Variants in GLDC observed in about 807,000 individuals in gnomAD.
GLDC encodes glycine dehydrogenase (decarboxylating), mitochondrial.
A neutral mutation model predicts 121.3 loss-of-function variants in GLDC; 104 were observed. The ratio of observed to expected loss-of-function variants is 0.86; its 90% CI spans 0.73 to 1.01. The LOEUF (loss-of-function observed/expected upper bound fraction) is 1.01, where lower values mean the gene tolerates loss of function less well. Among genes scored for constraint, GLDC ranks in the 50% least tolerant of loss-of-function variants. GLDC has a pLI of 0.00. For missense variants in GLDC, 1,429 were observed against 1,306.6 expected, an observed-to-expected ratio of 1.09 and a Z score of -1.44; for synonymous variants, 546 against 480.6, an observed-to-expected ratio of 1.14 and a Z score of -1.78.
At chr9:6,622,897 C>G (rs1215409523) in intron 2 of GLDC, 4 of 202,828 alleles carry the variant, frequency 2.0e-5, no homozygotes, top group South Asian at 6.3e-5. Flanking sequence ...CCCCGCCGCC[C>G]GGTCTGGGAT....
chr9:6,614,018 C>G (rs1427123287), intron 3 of GLDC, among the ~76,000 whole-genome samples: 1 of 152,038 alleles, frequency 6.6e-6, no homozygotes, highest in Non-Finnish European at 1.5e-5. Flanking sequence ...CTCAGGTGAT[C>G]TGCCCACCCT....
intron 2 of GLDC, chr9:6,639,576 G>A (rs1403105224): frequency 3.1e-5 from 23 of 751,502 alleles, no homozygotes; most frequent in African/African-American, 1.7e-5. Flanking sequence ...TGATTATGAT[G>A]CTTTGGATGT....
At chr9:6,600,420 C>T (rs1346472513) in intron 8 of GLDC, among the ~76,000 whole-genome samples, 2 of 151,402 alleles carry the variant, frequency 1.3e-5, no homozygotes, top group Middle Eastern at 3.4e-3. Context: ...CTCACACCTA[C>T]AATCCCAAAA....
chr9:6,610,233 A>T lies in GLDC; in HGVS notation c.594T>A (p.Asp198Glu). 1 of 1,613,696 alleles carries T rather than the reference A, an allele frequency of 6.2e-7. No individual in the cohort carries two copies. Among genetic ancestry groups the T allele is most frequent in the Non-Finnish European group, 8.5e-7 (1 of 1,179,858 alleles). ...GTGCCTCTGCGGCTGCAGTCCCCTCATCCAGCAGGGATGCATTGGCCATGT... is the reference window on the plus strand; with the variant it reads ...GTGCCTCTGCGGCTGCAGTCCCCTCTTCCAGCAGGGATGCATTGGCCATGT... Reference protein sequence around the residue: ...GLDMANASLLDEGTAAAEALQ... With the variant: ...GLDMANASLLEEGTAAAEALQ... The change falls in exon 4 of 25, where the codon GAT becomes GAA. Residue 198 changes from aspartate to glutamate, a missense_variant. Coordinates refer to ENST00000321612, the MANE Select transcript of GLDC (RefSeq NM_000170.3).
At chr9:6,554,883 A>C (rs1020492830) in intron 18 of GLDC, 102 bp from the exon 19 acceptor site, 2 of 828,188 alleles carry the variant, frequency 2.4e-6, no homozygotes, top group East Asian at 5.3e-5. Flanking sequence ...CCTCAGAGGA[A>C]AAGCAGGCAG....
At chr9:6,550,673 C>A in intron 21 of GLDC, 130 bp downstream of exon 21, 1 of 743,174 alleles carries the variant, frequency 1.3e-6, no homozygotes, top group Non-Finnish European at 2.5e-6. Context: ...TTTCCAAGAA[C>A]TCTACACTAT....
chr9:6,606,749 T>C (rs1014302670), intron 4 of GLDC, 80 bp from the exon 5 acceptor site: 1 of 854,352 alleles, frequency 1.2e-6, no homozygotes, highest in Non-Finnish European at 2.1e-6. Context: ...GCAAACATAG[T>C]ACCGAGGGTA....
chr9:6,640,872 A>G (rs559632565), intron 2 of GLDC, among the ~76,000 whole-genome samples: 1 of 152,346 alleles, frequency 6.6e-6, no homozygotes, highest in Admixed American at 6.5e-5. Context: ...CCAAAACTGC[A>G]AAGTAATTAA....
chr9:6,613,871 G>C (rs1400303324), intron 3 of GLDC, among the ~76,000 whole-genome samples: 1 of 152,024 alleles, frequency 6.6e-6, no homozygotes, highest in Non-Finnish European at 1.5e-5. Context: ...CCACCTCTTG[G>C]GTTCAAGCCA....
chr9:6,574,047 T>C (rs1404268246), intron 15 of GLDC, among the ~76,000 whole-genome samples: 1 of 152,214 alleles, frequency 6.6e-6, no homozygotes, highest in Non-Finnish European at 1.5e-5. Flanking sequence ...TACCAATCTG[T>C]ATCAATTTGA....
chr9:6,543,487 A>AC (rs1444194286), intron 21 of GLDC, among the ~76,000 whole-genome samples: 3 of 152,204 alleles, frequency 2.0e-5, no homozygotes, highest in Non-Finnish European at 4.4e-5. Context: ...CCAACACAGC[A>AC]CTGCTAATAC....
chr9:6,543,522 C>T (rs1245883232), intron 21 of GLDC, among the ~76,000 whole-genome samples: 1 of 152,138 alleles, frequency 6.6e-6, no homozygotes, highest in African/African-American at 2.4e-5. Context: ...AAGAGGTCCC[C>T]ACCATAGCCA....
At chr9:6,624,152 G>C (rs1265396448) in intron 2 of GLDC, among the ~76,000 whole-genome samples, 1 of 152,244 alleles carries the variant, frequency 6.6e-6, no homozygotes, top group Non-Finnish European at 1.5e-5. Context: ...GATACAGTAA[G>C]AGGCCAGCAC....
intron 22 of GLDC, 75 bp downstream of exon 22, chr9:6,539,976 G>A (rs1191025741): frequency 1.1e-6 from 1 of 937,102 alleles, no homozygotes; most frequent in Non-Finnish European, 1.8e-6. Context: ...TGTGGTGCCT[G>A]CATTTTCCAT....
At chr9:6,551,025 C>G (rs1231665091) in intron 20 of GLDC, 111 bp from the exon 21 acceptor site, 1 of 775,348 alleles carries the variant, frequency 1.3e-6, no homozygotes, top group Admixed American at 1.7e-5. Flanking sequence ...GAAGGCAGCC[C>G]ACCATGACTC....
rs1162640986 is a variant in GLDC, at chr9:6,606,901, C to T, written c.636-232G>A. Reference sequence around the variant, plus strand: ...CAGCCTGGCCAACGTGATAAAACCTCGTCTCTACTAAAAATACAAAATTAG... The same window carrying T: ...CAGCCTGGCCAACGTGATAAAACCTTGTCTCTACTAAAAATACAAAATTAG... On this transcript the variant is annotated intron_variant, in intron 4 of 24. Coordinates refer to ENST00000321612, the MANE Select transcript of GLDC (RefSeq NM_000170.3). Among the ~76,000 whole-genome samples the T allele has an allele frequency of 2.0e-5, 3 of 151,844 alleles. No homozygotes were observed. In the East Asian group the frequency reaches 5.8e-4, roughly 29 times the overall value.
intron 9 of GLDC, among the ~76,000 whole-genome samples, chr9:6,593,706 T>G (rs74421154): frequency 6.6e-6 from 1 of 151,590 alleles, no homozygotes; most frequent in Non-Finnish European, 1.5e-5. Flanking sequence ...TTTTTTTTTT[T>G]TTGAGAGATG....
chr9:6,612,443 G>C (rs556383491), intron 3 of GLDC, among the ~76,000 whole-genome samples: 4 of 152,218 alleles, frequency 2.6e-5, no homozygotes, highest in Admixed American at 6.5e-5. Context: ...TGAAAGAAAA[G>C]TAGATGGAGG....
chr9:6,622,146 CCACACACACACAGACACA>C (rs1452160917), intron 2 of GLDC, among the ~76,000 whole-genome samples: 7 of 117,652 alleles, frequency 5.9e-5, no homozygotes, highest in African/African-American at 2.3e-4. Context: ...TCACCCTCCA[CCACACACACACAGACACA>C]CACACACACA....
Sources: allele counts gnomAD v4.1 joint callset (sites outside exome capture counted in the v4.1 genomes callset), GRCh38; gene constraint gnomAD v4.1.1; transcripts MANE v1.5; gene names NCBI Gene and HGNC (gene_info 2026-07-23, HGNC 2026-07-21).